The following IL7 variants were observed in gnomAD, a reference collection of about 807,000 sequenced individuals.
IL7 encodes interleukin 7.
A neutral mutation model predicts 21.6 loss-of-function variants in IL7; 3 were observed. That is an observed-to-expected ratio of 0.14 (90% CI 0.06 to 0.36). IL7 has a LOEUF of 0.36. IL7 is among the 10% of genes least tolerant of loss of function. The pLI is 1.00. For synonymous variants in IL7, 62 were observed against 68.1 expected, an observed-to-expected ratio of 0.91 and a Z score of 0.44; for missense variants, 175 against 200.2, an observed-to-expected ratio of 0.87 and a Z score of 0.76.
chr8:78,799,688 C>A (rs537164691), intron 1 of IL7, among the ~76,000 whole-genome samples: 24 of 151,906 alleles, frequency 1.6e-4, no homozygotes, highest in Admixed American at 1.6e-3. Context: ...AAAAGTTCTG[C>A]AAGTTAGTCT....
chr8:78,714,684 C>T (rs1811045056), downstream of IL7, among the ~76,000 whole-genome samples: 1 of 152,052 alleles, frequency 6.6e-6, no homozygotes, highest in Admixed American at 6.6e-5. Flanking sequence ...TTCGGATAGC[C>T]CAGGCTGTGC....
chr8:78,789,193 ATTTTTC>A (rs1405564892), intron 2 of IL7, among the ~76,000 whole-genome samples: 1 of 152,072 alleles, frequency 6.6e-6, no homozygotes, highest in Non-Finnish European at 1.5e-5. Flanking sequence ...TAATTAGTCT[ATTTTTC>A]TTTAATTTTT....
chr8:78,685,278 T>G (rs1040471601), intron 4 of IL7, among the ~76,000 whole-genome samples: 2 of 152,102 alleles, frequency 1.3e-5, no homozygotes, highest in African/African-American at 2.4e-5. Context: ...AAGCGAAATT[T>G]GATTCAATTT....
intron 3 of IL7, among the ~76,000 whole-genome samples, chr8:78,699,238 G>A (rs1810524393): frequency 6.6e-6 from 1 of 151,954 alleles, no homozygotes; most frequent in African/African-American, 2.4e-5. Flanking sequence ...ATATTTACAT[G>A]GCTTTTAATG....
chr8:78,713,547 T>C (rs565774304), downstream of IL7, among the ~76,000 whole-genome samples: 8 of 152,178 alleles, frequency 5.3e-5, no homozygotes, highest in African/African-American at 1.9e-4. Flanking sequence ...AAAAAGACTC[T>C]AGTAGTTCTA....
chr8:78,779,668 C>A (rs926461579), intron 2 of IL7, among the ~76,000 whole-genome samples: 3 of 151,860 alleles, frequency 2.0e-5, no homozygotes, highest in African/African-American at 7.2e-5. Context: ...TTTGTATTGA[C>A]GTTCATCAGA....
chr8:78,762,319 C>T (rs1812592419), intron 2 of IL7: 3 of 1,605,360 alleles, frequency 1.9e-6, no homozygotes, highest in South Asian at 1.1e-5. Context: ...TCCTACAGTT[C>T]TCCACCCACT....
chr8:78,776,401 A>G (rs1005992754), intron 2 of IL7, among the ~76,000 whole-genome samples: 2 of 152,096 alleles, frequency 1.3e-5, no homozygotes, highest in Non-Finnish European at 1.5e-5. Flanking sequence ...TATTTCTGGA[A>G]GTTTCCATAG....
At chr8:78,697,283 C>T in intron 3 of IL7, 1 of 733,112 alleles carries the variant, frequency 1.4e-6, no homozygotes, top group South Asian at 2.2e-5. Flanking sequence ...CATTCATTTC[C>T]ACAACTCTTT....
intron 3 of IL7, among the ~76,000 whole-genome samples, chr8:78,689,833 T>C (rs921699332): frequency 6.6e-6 from 1 of 152,130 alleles, no homozygotes; most frequent in African/African-American, 2.4e-5. Context: ...AATTTATTAA[T>C]TCTTTATGAT....
chr8:78,749,123 T>G (rs947435313), intron 2 of IL7, among the ~76,000 whole-genome samples: 1 of 152,138 alleles, frequency 6.6e-6, no homozygotes, highest in African/African-American at 2.4e-5. Context: ...TGTCAAAACA[T>G]ATTCACTAAT....
At chr8:78,794,731 A>G (rs1464845133) in intron 2 of IL7, among the ~76,000 whole-genome samples, 2 of 152,072 alleles carry the variant, frequency 1.3e-5, no homozygotes, top group East Asian at 3.9e-4. Context: ...TTGTTTTACA[A>G]CCAGTCTATT....
intron 3 of IL7, chr8:78,698,513 G>A: frequency 6.3e-7 from 1 of 1,596,112 alleles, no homozygotes; most frequent in Non-Finnish European, 8.6e-7. Flanking sequence ...CCTCATGCAG[G>A]GTAAGTCTAC....
At chr8:78,718,422 T>A (rs1468397081) in intron 6 of IL7, 1 of 151,968 alleles carries the variant, frequency 6.6e-6, no homozygotes, top group Non-Finnish European at 1.5e-5. Flanking sequence ...TTTTAATGCA[T>A]CTTAAATCAC....
intron 4 of IL7, among the ~76,000 whole-genome samples, chr8:78,683,253 C>T (rs1809848843): frequency 6.6e-6 from 1 of 152,248 alleles, no homozygotes; most frequent in African/African-American, 2.4e-5. Flanking sequence ...GGACTCCAAT[C>T]TCTTATTTCC....
At chr8:78,722,422 A>G (rs567502848) in intron 3 of IL7, among the ~76,000 whole-genome samples, 14 of 152,056 alleles carry the variant, frequency 9.2e-5, no homozygotes, top group Non-Finnish European at 1.6e-4. Context: ...TTTGCTTTCA[A>G]TAAGAATTTA....
chr8:78,676,588 G>C (rs1376220325), intron 4 of IL7, among the ~76,000 whole-genome samples: 3 of 151,908 alleles, frequency 2.0e-5, no homozygotes, highest in Non-Finnish European at 4.4e-5. Context: ...ATGTATATCT[G>C]CTGATTAAAG....
chr8:78,793,613 G>T (rs1330030455), intron 2 of IL7, among the ~76,000 whole-genome samples: 4 of 152,140 alleles, frequency 2.6e-5, no homozygotes, highest in Non-Finnish European at 5.9e-5. Flanking sequence ...TTGCTTCAAC[G>T]TTAGTGGATG....
chr8:78,735,657 A>T (rs552178002), intron 5 of IL7, among the ~76,000 whole-genome samples: 2 of 152,142 alleles, frequency 1.3e-5, no homozygotes, highest in South Asian at 4.1e-4. Context: ...CTTCAGGGTG[A>T]TTATATTGCT....
Sources: allele counts gnomAD v4.1 joint callset (sites outside exome capture counted in the v4.1 genomes callset), GRCh38; gene constraint gnomAD v4.1.1; transcripts MANE v1.5; gene names NCBI Gene and HGNC (gene_info 2026-07-23, HGNC 2026-07-21).